DKK3: variants seen among roughly 807,000 people sequenced by gnomAD.
The protein encoded by DKK3 is dickkopf-related protein 3.
Under a neutral mutation model 33.2 loss-of-function variants are expected in DKK3, and 22 were observed. The observed-to-expected ratio is 0.66, with a 90% CI of 0.47 to 0.95. DKK3 has a LOEUF of 0.95. Ranked by LOEUF, DKK3 falls within the 40% of genes least tolerant of loss-of-function variation. The probability of loss-of-function intolerance (pLI) is 0.00; values close to 1 mark genes in which losing one functional copy is unlikely to be tolerated. For synonymous variants in DKK3, 194 were observed against 188.8 expected, an observed-to-expected ratio of 1.03 and a Z score of -0.23; for missense variants, 398 against 458.4, an observed-to-expected ratio of 0.87 and a Z score of 1.20.
chr11:11,989,438 C>T (rs956573514), intron 3 of DKK3, among the ~76,000 whole-genome samples: 4 of 152,170 alleles, frequency 2.6e-5, no homozygotes, highest in African/African-American at 9.7e-5. Context: ...ATACCTGCTA[C>T]AGCATGGATG....
intron 4 of DKK3, 121 bp from the exon 5 acceptor site, chr11:11,967,219 AC>A: frequency 8.0e-7 from 1 of 1,256,916 alleles, no homozygotes. Flanking sequence ...AGACAGGCAG[AC>A]CAGGCTGAGA....
chr11:11,999,776 T>C (rs1202955882), intron 2 of DKK3, among the ~76,000 whole-genome samples: 2 of 152,260 alleles, frequency 1.3e-5, no homozygotes, highest in African/African-American at 2.4e-5. Flanking sequence ...TTTTCTCTGA[T>C]TCAAAATTTT....
intron 3 of DKK3, among the ~76,000 whole-genome samples, chr11:11,977,235 T>G (rs1159228290): frequency 6.6e-6 from 1 of 152,008 alleles, no homozygotes; most frequent in Non-Finnish European, 1.5e-5. Flanking sequence ...TGTCATGCCT[T>G]CCTTAATCAG....
At chr11:11,992,453 G>A (rs1386817363) in intron 3 of DKK3, among the ~76,000 whole-genome samples, 1 of 152,204 alleles carries the variant, frequency 6.6e-6, no homozygotes, top group East Asian at 1.9e-4. Context: ...ATTCGCAGGG[G>A]TGGAGGCAGT....
In DKK3 at chr11:12,008,236, G is replaced by T; in HGVS notation, c.213+134C>A. The T allele has an allele frequency of 8.5e-7, 1 of 1,182,296 alleles. No homozygotes were observed. The highest frequency in any genetic ancestry group is 1.2e-6 in the Non-Finnish European group (1 of 868,350). The allele number at this position is 1,182,296 out of a possible 1,614,324, so 73.2% of individuals were successfully genotyped here. On this transcript the variant is annotated intron_variant, in intron 1 of 6. Transcript: ENST00000683431. The surrounding 1 kb of genome is among the most constrained non-coding windows in gnomAD (Gnocchi z 4.6). ...CCGTGCGCTGCCTCCAGGTCACTCCGCATCTGCTGTCGGCCCTTCCCAGGC... is the reference window on the plus strand; with the variant it reads ...CCGTGCGCTGCCTCCAGGTCACTCCTCATCTGCTGTCGGCCCTTCCCAGGC...
chr11:12,007,704 T>G (rs1301180157), intron 1 of DKK3, among the ~76,000 whole-genome samples: 1 of 152,180 alleles, frequency 6.6e-6, no homozygotes. Context: ...TATTAAGTGA[T>G]TTGCCCAATG....
At chr11:12,008,942 CACCTA>C, upstream of DKK3, 1 of 1,029,220 alleles carries the variant, frequency 9.7e-7, no homozygotes, top group Non-Finnish European at 1.2e-6. The surrounding 1 kb of genome is among the most constrained non-coding windows in gnomAD (Gnocchi z 4.6). Flanking sequence ...AGCCCCAGCT[CACCTA>C]GACTCTGTCC....
At chr11:11,988,719 G>C (rs79486045) in intron 3 of DKK3, among the ~76,000 whole-genome samples, 2,413 of 152,300 alleles carry the variant, frequency 0.016, 65 homozygotes, top group African/African-American at 0.054. Flanking sequence ...GGAGGGTGTG[G>C]AGTGGGTGTT....
intron 2 of DKK3, among the ~76,000 whole-genome samples, chr11:11,999,175 C>A (rs986334863): frequency 2.0e-5 from 3 of 152,204 alleles, no homozygotes; most frequent in Non-Finnish European, 4.4e-5. Context: ...AGTTGAACAT[C>A]TTTCATGAAA....
chr11:11,989,512 C>T (rs577635364), intron 3 of DKK3, among the ~76,000 whole-genome samples: 3 of 152,168 alleles, frequency 2.0e-5, no homozygotes, highest in African/African-American at 7.2e-5. Flanking sequence ...CAGTATGATT[C>T]CACTCATATG....
intron 3 of DKK3, among the ~76,000 whole-genome samples, chr11:11,986,058 C>T (rs1848064472): frequency 6.6e-6 from 1 of 152,144 alleles, no homozygotes; most frequent in African/African-American, 2.4e-5. Flanking sequence ...CTAAGTTCTG[C>T]TTGCCAGGCA....
chr11:11,980,198 G>A (rs895011591), intron 3 of DKK3, among the ~76,000 whole-genome samples: 5 of 152,340 alleles, frequency 3.3e-5, no homozygotes, highest in East Asian at 1.9e-4. Context: ...GGAGCATCCC[G>A]GATGGGGGTC....
chr11:11,964,411 G>A lies in DKK3; in HGVS notation c.*53C>T. ...AGCCCACGCCTAAAGCACACACCTG[G>A]GGAAATAAATTAGCTATTTCTATTG... is the stretch of plus-strand genomic sequence containing the variant. On this transcript the variant is annotated 3_prime_UTR_variant, in exon 7 of 7. Coordinates refer to ENST00000683431, the MANE Select transcript of DKK3 (RefSeq NM_001018057.2). 1 of 1,587,710 alleles carries A rather than the reference G, an allele frequency of 6.3e-7. No homozygotes were observed. The highest frequency in any genetic ancestry group is 1.7e-5 in the Admixed American group (1 of 59,004).
chr11:11,965,771 C>A (rs959974960), intron 6 of DKK3, 38 bp downstream of exon 6: 13 of 1,605,620 alleles, frequency 8.1e-6, no homozygotes, highest in Non-Finnish European at 1.1e-5. Flanking sequence ...ACCTCCTCAG[C>A]CCTTGGCTCC....
chr11:12,007,895 C>G (rs1848570832), intron 1 of DKK3, among the ~76,000 whole-genome samples: 1 of 152,252 alleles, frequency 6.6e-6, no homozygotes, highest in Non-Finnish European at 1.5e-5. Flanking sequence ...CCCAGACAGA[C>G]TGCCAGCAAA....
chr11:11,981,609 G>A (rs1349960523), intron 3 of DKK3, among the ~76,000 whole-genome samples: 1 of 152,122 alleles, frequency 6.6e-6, no homozygotes, highest in African/African-American at 2.4e-5. Flanking sequence ...AATGCTTACG[G>A]GGCTGGGGGT....
At chr11:11,972,830 G>A (rs779190476) in intron 3 of DKK3, among the ~76,000 whole-genome samples, 1 of 152,184 alleles carries the variant, frequency 6.6e-6, no homozygotes, top group Non-Finnish European at 1.5e-5. Flanking sequence ...GGATGGCTGA[G>A]AAGCTGAAAT....
At chr11:11,988,080 G>A (rs2135061502) in intron 3 of DKK3, among the ~76,000 whole-genome samples, 1 of 152,310 alleles carries the variant, frequency 6.6e-6, no homozygotes, top group Admixed American at 6.5e-5. Context: ...AGCCATGAGG[G>A]AAGTTTCCCC....
chr11:11,989,329 T>C (rs190690517), intron 3 of DKK3, among the ~76,000 whole-genome samples: 1 of 152,276 alleles, frequency 6.6e-6, no homozygotes, highest in Admixed American at 6.5e-5. Flanking sequence ...CATTGACAAA[T>C]GAATGGAGAA....
Sources: allele counts gnomAD v4.1 joint callset (sites outside exome capture counted in the v4.1 genomes callset), GRCh38; gene constraint gnomAD v4.1.1; non-coding constraint Gnocchi (gnomAD v3.1); transcripts MANE v1.5; gene names NCBI Gene and HGNC (gene_info 2026-07-23, HGNC 2026-07-21).